The following CEP89 variants were observed in gnomAD, a reference collection of about 807,000 sequenced individuals.
CEP89 encodes centrosomal protein 89, also known as centrosomal protein of 89 kDa.
CEP89 carries 95 observed loss-of-function variants against 97.6 expected under a neutral mutation model. That is an observed-to-expected ratio of 0.97 (90% CI 0.82 to 1.15). The LOEUF is 1.15. Ranked by LOEUF, CEP89 falls within the 50% of genes most tolerant of loss-of-function variation. CEP89 has a pLI of 0.00. For synonymous variants in CEP89, 354 were observed against 349.1 expected (o/e 1.01, Z -0.16); for missense variants, 869 against 947.7 (o/e 0.92, Z 1.09).
intron 16 of CEP89, among the ~76,000 whole-genome samples, 200 bp from the exon 17 acceptor site, chr19:32,888,041 G>A (rs972396701): frequency 3.9e-5 from 6 of 152,202 alleles, no homozygotes; most frequent in African/African-American, 1.4e-4. Context: ...AGGGCATGTG[G>A]GGTGCCCTGC....
intron 6 of CEP89, among the ~76,000 whole-genome samples, chr19:32,938,811 A>G (rs1243061386): frequency 6.6e-6 from 1 of 151,970 alleles, no homozygotes; most frequent in African/African-American, 2.4e-5. Flanking sequence ...TTAGCTGGGC[A>G]TGGTGGCATG....
rs1970115639 is a variant in CEP89, at chr19:32,915,903, A to G, written c.1385-386T>C. On this transcript the variant is annotated intron_variant, in intron 13 of 18. Coordinates refer to ENST00000305768, the MANE Select transcript of CEP89 (RefSeq NM_032816.5). ...CACTGCACTTCAGCCTGGGCAACAG[A>G]GTGAGACTCTCTCAGAAAAAAAAAA... 7.7e-5 allele frequency among the ~76,000 whole-genome samples: 11 copies of G among 142,096 alleles called. No homozygotes were observed. In the Admixed American group the frequency reaches 8.1e-4, roughly 11 times the overall value. The allele number at this position is 142,096 out of a possible 152,430, so 93.2% of individuals were successfully genotyped here.
In CEP89 at chr19:32,965,539, T is replaced by C. The variant is rs146564667; in HGVS notation, c.146+821A>G. Among the ~76,000 whole-genome samples the C allele has an allele frequency of 1.5e-4, 23 of 151,156 alleles. 1 individual carries two copies. Among genetic ancestry groups the C allele is most frequent in the African/African-American group, 4.6e-4 (19 of 41,116 alleles). On this transcript the variant is annotated intron_variant, in intron 2 of 18. Coordinates refer to ENST00000305768, the MANE Select transcript of CEP89 (RefSeq NM_032816.5). ...GGCAAAACCCTATCTCTATAAAAAA[T>C]AGAAAAATTAGTTGGGCATGGTGGT...
intron 1 of CEP89, 105 bp downstream of exon 1, chr19:32,971,731 G>C: frequency 4.6e-6 from 5 of 1,090,100 alleles, no homozygotes; most frequent in South Asian, 1.4e-5. Flanking sequence ...CTCTTGTGCC[G>C]CCCCCTTGAC....
intron 4 of CEP89, among the ~76,000 whole-genome samples, chr19:32,951,026 G>A (rs1284447746): frequency 6.6e-6 from 1 of 152,134 alleles, no homozygotes; most frequent in Non-Finnish European, 1.5e-5. Flanking sequence ...CTAAGAAGAA[G>A]GGTGATTTCT....
At chr19:32,894,145 A>G (rs1969591040) in intron 16 of CEP89, among the ~76,000 whole-genome samples, 1 of 152,222 alleles carries the variant, frequency 6.6e-6, no homozygotes, top group Non-Finnish European at 1.5e-5. Context: ...TGGGCAACAT[A>G]GTGAAAATCC....
At chr19:32,965,401 G>A (rs537658559) in intron 2 of CEP89, among the ~76,000 whole-genome samples, 23 of 151,800 alleles carry the variant, frequency 1.5e-4, no homozygotes, top group Non-Finnish European at 2.8e-4. Flanking sequence ...ACCATATCTC[G>A]AAAAAACTTT....
intron 1 of CEP89, 89 bp from the exon 2 acceptor site, chr19:32,966,555 A>T: frequency 1.5e-6 from 1 of 660,270 alleles, no homozygotes; most frequent in Non-Finnish European, 2.3e-6. Context: ...CTGCAAGGGG[A>T]CACCTGCACT....
rs185655959 is a variant in CEP89, at chr19:32,895,197, C to T, written c.1875+4660G>A. Among the ~76,000 whole-genome samples, 5 of 152,200 alleles carry T rather than the reference C, an allele frequency of 3.3e-5. No individual in the cohort carries two copies. The East Asian group carries it at 7.7e-4, about 24-fold the overall frequency. On this transcript the variant is annotated intron_variant, in intron 16 of 18. Coordinates refer to ENST00000305768, the MANE Select transcript of CEP89 (RefSeq NM_032816.5). ...AAAAAGAAACCTACAGGCCAATATC[C>T]CTAATGAACACAGATGCAAAATCCT...
chr19:32,912,806 G>A (rs1970028863), intron 14 of CEP89, among the ~76,000 whole-genome samples: 1 of 151,932 alleles, frequency 6.6e-6, no homozygotes, highest in East Asian at 1.9e-4. Context: ...ACTTTGGGAG[G>A]CTGAGGCGGG....
chr19:32,934,986 A>C (rs778505403), intron 7 of CEP89, among the ~76,000 whole-genome samples: 8 of 152,350 alleles, frequency 5.3e-5, no homozygotes, highest in Non-Finnish European at 1.0e-4. Flanking sequence ...ATTTAAAAAG[A>C]AGCAGCTTGA....
Position 32,936,695 on chromosome 19 carries a change from G to A in CEP89, c.667+936C>T, listed in dbSNP as rs2145935298. Among the ~76,000 whole-genome samples, 1 of 152,178 alleles carries A rather than the reference G, an allele frequency of 6.6e-6. No homozygotes were observed. The highest frequency in any genetic ancestry group is 6.5e-5 in the Admixed American group (1 of 15,292). ...CCCCTCTCTGCTGATAGCTGGAGATGTCAGAGGACCAGCAGCAGAGAGGAG... is the reference window on the plus strand; with the variant it reads ...CCCCTCTCTGCTGATAGCTGGAGATATCAGAGGACCAGCAGCAGAGAGGAG... On this transcript the variant is annotated intron_variant, in intron 7 of 18. Transcript: ENST00000305768. This position sits in a 1 kb window ranked among gnomAD's most constrained non-coding sequence, Gnocchi z 4.5.
rs1244601692 is a variant in CEP89, at chr19:32,933,608, T to C, written c.729A>G (p.Leu243=). The C allele has an allele frequency of 6.2e-7, 1 of 1,613,558 alleles. No homozygotes were observed. The highest frequency in any genetic ancestry group is 1.3e-5 in the African/African-American group (1 of 74,922). ...TGTTTAGGTCCATATTTTCTTCTTT[T>C]AATGCCTCAAACTTTTCTCTGGTTA... ...TEITREKFEA[L]KEENMDLNNM... Residue 243 remains leucine, a synonymous_variant, in exon 8 of 19, where the codon TTA becomes TTG. Coordinates refer to ENST00000305768, the MANE Select transcript of CEP89 (RefSeq NM_032816.5).
chr19:32,927,406 A>G (rs1970383855), intron 9 of CEP89, among the ~76,000 whole-genome samples: 1 of 152,092 alleles, frequency 6.6e-6, no homozygotes. Flanking sequence ...ATTTTCATAT[A>G]TATATATATA....
At chr19:32,891,353 A>AC (rs1491185391) in intron 16 of CEP89, among the ~76,000 whole-genome samples, 14,983 of 151,472 alleles carry the variant, frequency 0.099, 918 homozygotes, top group Middle Eastern at 0.17. Context: ...GCACACACAC[A>AC]AACACACACA....
intron 16 of CEP89, among the ~76,000 whole-genome samples, chr19:32,894,459 A>G (rs544062568): frequency 1.3e-5 from 2 of 152,250 alleles, no homozygotes; most frequent in Admixed American, 1.3e-4. Flanking sequence ...AGCTTCCCCA[A>G]TCTCCAGCCA....
chr19:32,966,104 T>C (rs1222970143), intron 2 of CEP89: 1 of 357,896 alleles, frequency 2.8e-6, no homozygotes, highest in East Asian at 4.1e-5. Flanking sequence ...CTTTACATTT[T>C]TTTTTAAATA....
chr19:32,940,738 T>C lies in CEP89; in HGVS notation c.596-853A>G, dbSNP rs1258510802. ...ACCCCAGTTTGCCTGTACACATTCATGTTGTAAAAAGTTGGACATCGAGTT... is the reference window on the plus strand; with the variant it reads ...ACCCCAGTTTGCCTGTACACATTCACGTTGTAAAAAGTTGGACATCGAGTT... On this transcript the variant is annotated intron_variant, in intron 5 of 18. Transcript: ENST00000305768. Among the ~76,000 whole-genome samples, 4 of 151,944 alleles carry C rather than the reference T, an allele frequency of 2.6e-5. 1 individual carries two copies. The South Asian group carries it at 8.3e-4, about 32-fold the overall frequency.
At chr19:32,900,066 T>C in intron 15 of CEP89, 68 bp from the exon 16 acceptor site, 1 of 1,436,086 alleles carries the variant, frequency 7.0e-7, no homozygotes, top group Non-Finnish European at 9.7e-7. Flanking sequence ...ATGGTGAATA[T>C]CTGTATTACA....
Sources: gnomAD v4.1 joint callset for allele counts (sites outside exome capture counted in the v4.1 genomes callset) on GRCh38, gnomAD v4.1.1 for gene constraint, Gnocchi (gnomAD v3.1) non-coding constraint, MANE v1.5 for transcripts, NCBI Gene and HGNC (gene_info 2026-07-23, HGNC 2026-07-21) for gene names.